MIPOL1: variants seen among roughly 807,000 people sequenced by gnomAD.
MIPOL1 encodes the protein mirror-image polydactyly gene 1 protein.
A neutral mutation model predicts 60.9 loss-of-function variants in MIPOL1; 57 were observed. That is an observed-to-expected ratio of 0.94 (90% CI 0.76 to 1.17). MIPOL1 has a LOEUF of 1.17. Ranked by LOEUF, MIPOL1 falls within the 50% of genes most tolerant of loss-of-function variation. The probability of loss-of-function intolerance (pLI) is 0.00; values close to 1 mark genes in which losing one functional copy is unlikely to be tolerated. For synonymous variants in MIPOL1, 179 were observed against 168.8 expected (o/e 1.06, Z -0.47); for missense variants, 551 against 511.6 (o/e 1.08, Z -0.74).
intron 10 of MIPOL1, among the ~76,000 whole-genome samples, chr14:37,417,697 A>G (rs1223472098): frequency 1.3e-5 from 2 of 152,144 alleles, no homozygotes; most frequent in African/African-American, 4.8e-5. Flanking sequence ...ATCTAACTTG[A>G]TGTATTGTTT....
chr14:37,296,942 C>G (rs1250149104), intron 7 of MIPOL1, among the ~76,000 whole-genome samples: 1 of 152,180 alleles, frequency 6.6e-6, no homozygotes, highest in Non-Finnish European at 1.5e-5. Flanking sequence ...GGAATCCTCC[C>G]TAACTCGTTT....
At chr14:37,212,633 T>C (rs1291501631) in intron 1 of MIPOL1, among the ~76,000 whole-genome samples, 1 of 152,128 alleles carries the variant, frequency 6.6e-6, no homozygotes, top group East Asian at 1.9e-4. Flanking sequence ...ACCTGGGGCC[T>C]GGGGGACCTC....
At chr14:37,386,125 C>G (rs1595526070) in intron 10 of MIPOL1, among the ~76,000 whole-genome samples, 1 of 151,868 alleles carries the variant, frequency 6.6e-6, no homozygotes, top group East Asian at 1.9e-4. Context: ...TAGACTTGTG[C>G]TTTTTAAATA....
In MIPOL1 at chr14:37,550,434, A is replaced by C. The variant is rs1247863933; in HGVS notation, c.*3463A>C. On this transcript the variant is annotated 3_prime_UTR_variant, in exon 13 of 13. Transcript: ENST00000684589. ...GATGTGTTTGGAACCCAAATTTTTT[A>C]CTGATTTTATTGTGTTGTTGGTAAC... 1 of 151,190 alleles carries C rather than the reference A, an allele frequency of 6.6e-6. No individual in the cohort carries two copies. The highest frequency in any genetic ancestry group is 1.5e-5 in the Non-Finnish European group (1 of 67,688). The allele number at this position is 151,190 out of a possible 1,614,324, so 9.4% of individuals were successfully genotyped here. A position where few individuals can be genotyped will look rare whatever the true frequency, so the allele number is the denominator to read the frequency against.
chr14:37,428,435 A>G lies in MIPOL1; in HGVS notation c.1031+5486A>G, dbSNP rs866170720. On this transcript the variant is annotated intron_variant, in intron 11 of 12. Coordinates refer to ENST00000684589, the MANE Select transcript of MIPOL1 (RefSeq NM_001388067.1). ...ACCAAACCCCATCTCTACAAAAAATACAAAATTTAGCAAGGCATGGCGTGT... is the reference window on the plus strand; with the variant it reads ...ACCAAACCCCATCTCTACAAAAAATGCAAAATTTAGCAAGGCATGGCGTGT... Among the ~76,000 whole-genome samples, 4 of 152,234 alleles carry G rather than the reference A, an allele frequency of 2.6e-5. No homozygotes were observed. In the South Asian group the frequency reaches 8.3e-4, roughly 32 times the overall value.
chr14:37,431,011 G>A (rs1183841016), intron 11 of MIPOL1, among the ~76,000 whole-genome samples: 1 of 152,160 alleles, frequency 6.6e-6, no homozygotes, highest in Non-Finnish European at 1.5e-5. Flanking sequence ...CTCCTTTTAA[G>A]AGCATTTAAC....
intron 11 of MIPOL1, among the ~76,000 whole-genome samples, chr14:37,429,648 C>T (rs1195122049): frequency 2.0e-5 from 3 of 151,766 alleles, no homozygotes; most frequent in Non-Finnish European, 4.4e-5. Context: ...GTCATAGAAA[C>T]CATAAAGATA....
At chr14:37,214,311 A>G (rs1012106182) in intron 1 of MIPOL1, among the ~76,000 whole-genome samples, 6 of 152,208 alleles carry the variant, frequency 3.9e-5, no homozygotes, top group Non-Finnish European at 8.8e-5. Flanking sequence ...AGAAACAACA[A>G]AAAGCTAAAA....
intron 9 of MIPOL1, among the ~76,000 whole-genome samples, chr14:37,351,818 C>A (rs1381705428): frequency 5.0e-5 from 7 of 139,992 alleles, no homozygotes; most frequent in African/African-American, 1.1e-4. Flanking sequence ...AGCCCTTTGT[C>A]AGATGAGTAG....
At position 37,272,986 on chromosome 14, in the gene MIPOL1, T is replaced by TA. The variant is rs1487697882; in HGVS notation, c.493+2462dup. Among the ~76,000 whole-genome samples, 3 of 151,418 alleles carry TA rather than the reference T, an allele frequency of 2.0e-5. No individual in the cohort carries two copies. The East Asian group carries it at 5.8e-4, about 29-fold the overall frequency. ...CCTAAGGAAATAGTAGGCATTTTCTTAGAGTATGTAAAATATAGAGATTTA... is the reference window on the plus strand; with the variant it reads ...CCTAAGGAAATAGTAGGCATTTTCTTAAGAGTATGTAAAATATAGAGATTTA... On this transcript the variant is annotated intron_variant, in intron 6 of 12. Transcript: ENST00000684589.
rs1472907559 is a variant in MIPOL1 at position 37,358,300 on chromosome 14, C to T, written c.829-11217C>T. 2.0e-5 allele frequency among the ~76,000 whole-genome samples: 3 copies of T among 152,116 alleles called. No homozygotes were observed. The East Asian group carries it at 5.8e-4, about 29-fold the overall frequency. On this transcript the variant is annotated intron_variant, in intron 9 of 12. Transcript: ENST00000684589. The stretch of plus-strand genomic sequence containing the variant: ...TGTGAATAGTGCTGCAATAAACATA[C>T]CTGTGCATGTGTCTTTATAGCAGCA...
At chr14:37,260,240 T>TAA (rs754422554) in intron 3 of MIPOL1, among the ~76,000 whole-genome samples, 4 of 121,260 alleles carry the variant, frequency 3.3e-5, no homozygotes, top group Admixed American at 8.6e-5. Flanking sequence ...AGATCTCATC[T>TAA]AAAAAAAAAA....
intron 11 of MIPOL1, among the ~76,000 whole-genome samples, chr14:37,452,653 T>C (rs1048287639): frequency 6.6e-6 from 1 of 152,202 alleles, no homozygotes; most frequent in Non-Finnish European, 1.5e-5. Flanking sequence ...ATCTTTATTG[T>C]CAGAAAGAAT....
intron 10 of MIPOL1, among the ~76,000 whole-genome samples, chr14:37,405,650 A>C (rs2093572972): frequency 6.6e-6 from 1 of 152,044 alleles, no homozygotes; most frequent in Non-Finnish European, 1.5e-5. Context: ...CTGTTCATAA[A>C]TGAGAGACTT....
At chr14:37,441,422 G>C (rs1184410903) in intron 11 of MIPOL1, among the ~76,000 whole-genome samples, 1 of 152,020 alleles carries the variant, frequency 6.6e-6, no homozygotes, top group Non-Finnish European at 1.5e-5. Context: ...TATACGGTGA[G>C]AGATAAGGGT....
intron 11 of MIPOL1, among the ~76,000 whole-genome samples, chr14:37,475,575 G>T (rs2094759144): frequency 6.6e-6 from 1 of 151,822 alleles, no homozygotes; most frequent in South Asian, 2.1e-4. Context: ...TAGTCCTGTG[G>T]TCCATCTTGA....
At chr14:37,327,334 C>T (rs927673965) in intron 9 of MIPOL1, among the ~76,000 whole-genome samples, 2 of 151,998 alleles carry the variant, frequency 1.3e-5, no homozygotes, top group Non-Finnish European at 2.9e-5. Flanking sequence ...GTTGCCCAGG[C>T]TTGAGTGCTG....
At chr14:37,420,276 T>C (rs1158240732) in intron 10 of MIPOL1, among the ~76,000 whole-genome samples, 1 of 152,034 alleles carries the variant, frequency 6.6e-6, no homozygotes, top group Non-Finnish European at 1.5e-5. Flanking sequence ...GTACTGAGGG[T>C]AGGAGGTGGG....
chr14:37,276,547 T>G (rs2083674544), intron 6 of MIPOL1: 2 of 151,234 alleles, frequency 1.3e-5, no homozygotes, highest in Non-Finnish European at 1.5e-5. Flanking sequence ...AAAAAGATTA[T>G]CTGTTACTAT....
Sources: gnomAD v4.1 joint callset for allele counts (sites outside exome capture counted in the v4.1 genomes callset) on GRCh38, gnomAD v4.1.1 for gene constraint, MANE v1.5 for transcripts, NCBI Gene and HGNC (gene_info 2026-07-23, HGNC 2026-07-21) for gene names.